Variants in ADARB2 observed in about 807,000 individuals in gnomAD.
ADARB2 encodes the protein adenosine deaminase RNA specific B2 (inactive).
ADARB2 carries 25 observed loss-of-function variants against 62.2 expected under a neutral mutation model. That is an observed-to-expected ratio of 0.40 (90% CI 0.29 to 0.56). The LOEUF is 0.56. Ranked by LOEUF, ADARB2 falls within the 20% of genes least tolerant of loss-of-function variation. The probability of loss-of-function intolerance (pLI) is 0.43; values close to 1 mark genes in which losing one functional copy is unlikely to be tolerated. For missense variants in ADARB2, 1,071 were observed against 1,077.4 expected, an observed-to-expected ratio of 0.99 and a Z score of 0.08; for synonymous variants, 572 against 500.8, an observed-to-expected ratio of 1.14 and a Z score of -1.90.
In ADARB2 at chr10:1,255,299, G is replaced by A. The variant is rs1831070499; in HGVS notation, c.1193-13000C>T. On this transcript the variant is annotated intron_variant, in intron 4 of 9. Coordinates refer to ENST00000381312, the MANE Select transcript of ADARB2 (RefSeq NM_018702.4). This position sits in a 1 kb window ranked among gnomAD's most constrained non-coding sequence, Gnocchi z 4.7. ...CACATGTTGCTCTGACAGGAAATGA[G>A]GCAATCACTGGCCCTGGGTGCCACG... is the stretch of plus-strand genomic sequence containing the variant. Among the ~76,000 whole-genome samples the A allele has an allele frequency of 6.6e-6, 1 of 152,240 alleles. No individual in the cohort carries two copies. The highest frequency in any genetic ancestry group is 2.4e-5 in the African/African-American group (1 of 41,468).
Position 1,398,601 on chromosome 10 carries a change from A to G in ADARB2, c.101-19441T>C, listed in dbSNP as rs186786593. Among the ~76,000 whole-genome samples the G allele has an allele frequency of 4.6e-4, 70 of 152,320 alleles. No homozygotes were observed. In the East Asian group the frequency reaches 0.013, roughly 28 times the overall value. ...TGGTGCGGAGGTAAGACAACTCAAA[A>G]ACGTGTATTTGCCGTTTCTTTCTTT... is the stretch of plus-strand genomic sequence containing the variant. On this transcript the variant is annotated intron_variant, in intron 1 of 9. Transcript: ENST00000381312. This position sits in a 1 kb window ranked among gnomAD's most constrained non-coding sequence, Gnocchi z 4.1.
chr10:1,323,263 A>C (rs1031747620), intron 3 of ADARB2, among the ~76,000 whole-genome samples: 1 of 151,970 alleles, frequency 6.6e-6, no homozygotes, highest in Admixed American at 6.6e-5. Context: ...AAAAAAAAAA[A>C]AAAAACACTG....
chr10:1,192,849 A>C (rs2131738078), intron 8 of ADARB2, among the ~76,000 whole-genome samples: 1 of 152,364 alleles, frequency 6.6e-6, no homozygotes. Flanking sequence ...AGTCTGAGGC[A>C]GGAGAATGGC....
chr10:1,395,309 A>T (rs35488873), intron 1 of ADARB2, among the ~76,000 whole-genome samples: 1 of 152,212 alleles, frequency 6.6e-6, no homozygotes, highest in Non-Finnish European at 1.5e-5. Context: ...CCCCATGGTG[A>T]GTGGGTGAGC....
intron 3 of ADARB2, among the ~76,000 whole-genome samples, chr10:1,301,636 C>G (rs1831574319): frequency 6.6e-6 from 1 of 152,082 alleles, no homozygotes. Flanking sequence ...TGATTAAATA[C>G]TAGGGTGACT....
At chr10:1,187,827 T>C (rs1836781655) in intron 8 of ADARB2, 2 of 435,178 alleles carry the variant, frequency 4.6e-6, no homozygotes, top group South Asian at 3.2e-5. Flanking sequence ...CGTCCAGCCT[T>C]GCATGGGGGC....
chr10:1,493,011 A>G (rs1831642052), intron 1 of ADARB2, among the ~76,000 whole-genome samples: 1 of 152,182 alleles, frequency 6.6e-6, no homozygotes, highest in Non-Finnish European at 1.5e-5. Flanking sequence ...TAAAACCCTA[A>G]AAGGGACAGG....
At chr10:1,489,628 G>A (rs1831594686) in intron 1 of ADARB2, among the ~76,000 whole-genome samples, 2 of 152,336 alleles carry the variant, frequency 1.3e-5, no homozygotes, top group Middle Eastern at 3.4e-3. Flanking sequence ...GATGGCAAAT[G>A]CTTTTGAGTA....
chr10:1,265,346 A>T (rs1385708440), intron 4 of ADARB2, among the ~76,000 whole-genome samples: 4 of 152,174 alleles, frequency 2.6e-5, no homozygotes, highest in African/African-American at 9.7e-5. Context: ...CGCTCATGAA[A>T]CACAAGAGTT....
intron 1 of ADARB2, among the ~76,000 whole-genome samples, chr10:1,579,059 A>G (rs1833060924): frequency 6.6e-6 from 1 of 152,112 alleles, no homozygotes; most frequent in Non-Finnish European, 1.5e-5. Context: ...GAGGTGGGAG[A>G]GCCCCAGGTG....
intron 1 of ADARB2, among the ~76,000 whole-genome samples, chr10:1,632,822 G>A (rs1479404389): frequency 2.0e-5 from 3 of 152,222 alleles, no homozygotes; most frequent in African/African-American, 7.2e-5. Flanking sequence ...ATCTTATGTG[G>A]CAACTTGACT....
intron 1 of ADARB2, among the ~76,000 whole-genome samples, chr10:1,623,026 C>T (rs1051063413): frequency 2.0e-5 from 3 of 152,112 alleles, no homozygotes; most frequent in African/African-American, 7.2e-5. Flanking sequence ...CGCGCCCCAA[C>T]ACAGATGAGC....
chr10:1,317,756 G>GGA (rs1554753969), intron 3 of ADARB2, among the ~76,000 whole-genome samples: 1 of 140,760 alleles, frequency 7.1e-6, no homozygotes, highest in Non-Finnish European at 1.6e-5. Flanking sequence ...TAGGCCTGGG[G>GGA]GGGGGTGGGT....
chr10:1,404,505 C>T (rs866407066), intron 1 of ADARB2, among the ~76,000 whole-genome samples: 40 of 152,256 alleles, frequency 2.6e-4, no homozygotes, highest in African/African-American at 8.2e-4. Context: ...CCACTCCTCC[C>T]GCCTGTGCCC....
intron 4 of ADARB2, among the ~76,000 whole-genome samples, chr10:1,266,838 GGAA>G (rs987991010): frequency 3.3e-5 from 5 of 152,076 alleles, no homozygotes; most frequent in Non-Finnish European, 5.9e-5. Flanking sequence ...CCTTGAAAAA[GGAA>G]GAATGGAGGA....
rs74681641 is a variant in ADARB2, at chr10:1,515,252, G to T, written c.101-136092C>A. 6.3e-3 allele frequency among the ~76,000 whole-genome samples: 959 copies of T among 152,334 alleles called. 11 individuals are homozygous for T. Among genetic ancestry groups the T allele is most frequent in the African/African-American group, 0.021 (892 of 41,576 alleles). The stretch of plus-strand genomic sequence containing the variant: ...GAGGCCACAGCAGCACAGAGCAGGG[G>T]CAGGCGGGCACACAGTGTGGCTCGT... On this transcript the variant is annotated intron_variant, in intron 1 of 9. Transcript: ENST00000381312.
At chr10:1,542,291 T>C (rs368694925) in intron 1 of ADARB2, among the ~76,000 whole-genome samples, 3 of 3,322 alleles carry the variant, frequency 9.0e-4, no homozygotes, top group South Asian at 0.032. Flanking sequence ...CGCACTCAGA[T>C]GTAGTTCAGA....
chr10:1,517,001 T>C (rs1201418485), intron 1 of ADARB2, among the ~76,000 whole-genome samples: 8 of 151,988 alleles, frequency 5.3e-5, no homozygotes, highest in Non-Finnish European at 7.4e-5. Context: ...CCCTTCCCGG[T>C]TTTTCATCCG....
At chr10:1,217,417 C>T (rs1379301942) in intron 6 of ADARB2, among the ~76,000 whole-genome samples, 1 of 152,228 alleles carries the variant, frequency 6.6e-6, no homozygotes, top group East Asian at 1.9e-4. Flanking sequence ...GCAGCCACGG[C>T]CTGGACCGTG....
Sources: allele counts gnomAD v4.1 joint callset (sites outside exome capture counted in the v4.1 genomes callset), GRCh38; gene constraint gnomAD v4.1.1; non-coding constraint Gnocchi (gnomAD v3.1); transcripts MANE v1.5; gene names NCBI Gene and HGNC (gene_info 2026-07-23, HGNC 2026-07-21).